The following ZNF701 variants were observed in gnomAD, a reference collection of about 807,000 sequenced individuals.
ZNF701 encodes zinc finger protein 701.
ZNF701 carries 6 observed loss-of-function variants against 7.1 expected under a neutral mutation model. The ratio of observed to expected loss-of-function variants is 0.84; its 90% confidence interval spans 0.46 to 1.66. The LOEUF (loss-of-function observed/expected upper bound fraction) is 1.66, where lower values mean the gene tolerates loss of function less well. ZNF701 is among the 40% of genes most tolerant of loss of function. The probability of loss-of-function intolerance (pLI) is 0.01; values close to 1 mark genes in which losing one functional copy is unlikely to be tolerated. For missense variants in ZNF701, 541 were observed against 559.2 expected, an observed-to-expected ratio of 0.97 and a Z score of 0.33; for synonymous variants, 166 against 188.2, an observed-to-expected ratio of 0.88 and a Z score of 0.97.
the ZNF701 span, chr19:52,596,706 A>T: frequency 4.1e-6 from 2 of 491,620 alleles, no homozygotes; most frequent in East Asian, 1.1e-4. Context: ...TACACATTTC[A>T]CGAGTATGGA....
intron 1 of ZNF701, among the ~76,000 whole-genome samples, chr19:52,573,654 C>CT (rs993344637): frequency 1.4e-4 from 21 of 152,080 alleles, no homozygotes; most frequent in African/African-American, 5.1e-4. Context: ...ACCAGAGACA[C>CT]ACAGACGTGC....
At chr19:52,577,874 A>G (rs1366678188) in intron 3 of ZNF701, among the ~76,000 whole-genome samples, 1 of 151,990 alleles carries the variant, frequency 6.6e-6, no homozygotes, top group Admixed American at 6.6e-5. Context: ...GTCTACTTTC[A>G]TGCTCCTCCC....
intron 3 of ZNF701, among the ~76,000 whole-genome samples, chr19:52,581,115 C>G (rs2059972608): frequency 3.3e-5 from 5 of 151,856 alleles, no homozygotes. Context: ...GAGTGAGACT[C>G]CATCTCAAAA....
At position 52,584,504 on chromosome 19, in the gene ZNF701, GGTATTGTGTT is replaced by G. The variant is rs1485542315; in HGVS notation, c.*1049_*1058del. On this transcript the variant is annotated 3_prime_UTR_variant, in exon 4 of 4. Coordinates refer to ENST00000391785, the MANE Select transcript of ZNF701 (RefSeq NM_018260.3). ...ACAAAAACCAATAGGGGTTTTTATA[GGTATTGTGTT>G]GAATCTGAATCACATTGGCTTATAT... The G allele has an allele frequency of 6.6e-6, 1 of 152,530 alleles. No individual in the cohort carries two copies. Among genetic ancestry groups the G allele is most frequent in the Non-Finnish European group, 1.5e-5 (1 of 68,348 alleles). The allele number at this position is 152,530 out of a possible 1,614,324, so 9.4% of individuals were successfully genotyped here. A position where few individuals can be genotyped will look rare whatever the true frequency, so the allele number is the denominator to read the frequency against.
chr19:52,584,713 G>A lies in ZNF701; in HGVS notation c.*1256G>A, dbSNP rs1267843062. 3 of 151,990 alleles carry A rather than the reference G, an allele frequency of 2.0e-5. No homozygotes were observed. The highest frequency in any genetic ancestry group is 7.3e-5 in the African/African-American group (3 of 41,370). 9.4% of individuals were successfully genotyped at this position (151,990 alleles called of 1,614,324 possible). A position where few individuals can be genotyped will look rare whatever the true frequency, so the allele number is the denominator to read the frequency against. On this transcript the variant is annotated 3_prime_UTR_variant, in exon 4 of 4. Transcript: ENST00000391785. ...CAAATGGAAGTGTTTTTTAATTTTC[G>A]TTTAAATTTTTTATTGTTTATGGAA...
chr19:52,588,571 C>T (rs765565277), downstream of ZNF701: 3 of 401,160 alleles, frequency 7.5e-6, no homozygotes, highest in Non-Finnish European at 1.4e-5. Context: ...AGGAAGCCAC[C>T]AAGAAGGGCA....
rs1471904969 is a variant in ZNF701 at position 52,576,023 on chromosome 19, T to G, written c.142+2T>G. On this transcript the variant is annotated splice_donor_variant, in intron 3 of 3. Coordinates refer to ENST00000391785, the MANE Select transcript of ZNF701 (RefSeq NM_018260.3). LOFTEE classifies it high-confidence loss of function. ...ATTATAGGAACCTGGTCTCCCTGGG[T>G]GAGGATAACTTCCCTCCAGAAGTGG... The G allele has an allele frequency of 1.4e-5, 22 of 1,584,328 alleles. No homozygotes were observed. The highest frequency in any genetic ancestry group is 1.9e-5 in the Non-Finnish European group (22 of 1,172,316).
At position 52,584,719 on chromosome 19, in the gene ZNF701, A is replaced by T. The variant is rs1228817576; in HGVS notation, c.*1262A>T. 1 of 152,166 alleles carries T rather than the reference A, an allele frequency of 6.6e-6. No individual in the cohort carries two copies. The highest frequency in any genetic ancestry group is 1.5e-5 in the Non-Finnish European group (1 of 68,026). 9.4% of individuals were successfully genotyped at this position (152,166 alleles called of 1,614,324 possible). On this transcript the variant is annotated 3_prime_UTR_variant, in exon 4 of 4. Transcript: ENST00000391785. ...GAAGTGTTTTTTAATTTTCGTTTAAATTTTTTATTGTTTATGGAAATTCAA... is the reference window on the plus strand; with the variant it reads ...GAAGTGTTTTTTAATTTTCGTTTAATTTTTTTATTGTTTATGGAAATTCAA...
intron 1 of ZNF701, chr19:52,572,809 CCCTCAT>C (rs2059909594): frequency 2.3e-6 from 1 of 427,754 alleles, no homozygotes; most frequent in Non-Finnish European, 4.7e-6. Context: ...TGGGAACTTG[CCCTCAT>C]CTCATGACTC....
chr19:52,576,235 A>C (rs1345147804), intron 3 of ZNF701, among the ~76,000 whole-genome samples: 1 of 152,110 alleles, frequency 6.6e-6, no homozygotes, highest in Non-Finnish European at 1.5e-5. Flanking sequence ...TCCAGAAGTA[A>C]AGTAAGCATA....
Position 52,582,440 on chromosome 19 carries a change from T to A in ZNF701, c.381T>A (p.Asp127Glu). The stretch of plus-strand genomic sequence containing the variant: ...TGATGAGTAGTACAGAGCGACATGA[T>A]CAAAGGCATGCTGGAAACAAACCTA... Reference protein sequence around the residue: ...KKLMSSTERHDQRHAGNKPIK... With the variant: ...KKLMSSTERHEQRHAGNKPIK... Residue 127 changes from aspartate to glutamate, a missense_variant, in exon 4 of 4, where the codon GAT (aspartate) becomes GAA (glutamate). By Grantham distance (45) the Asp-to-Glu change is conservative. Transcript: ENST00000391785. 6.2e-7 allele frequency: 1 copy of A among 1,614,164 alleles called. No homozygotes were observed. Among genetic ancestry groups the A allele is most frequent in the Non-Finnish European group, 8.5e-7 (1 of 1,180,008 alleles).
downstream of ZNF701, among the ~76,000 whole-genome samples, chr19:52,591,241 G>A (rs150708932): frequency 7.3e-3 from 1,116 of 152,142 alleles, 8 homozygotes; most frequent in Non-Finnish European, 0.01. Flanking sequence ...GCAGTGGTGC[G>A]ATCTCGGCTT....
the ZNF701 span, chr19:52,597,599 TGGGAGCCC>T: frequency 1.2e-4 from 42 of 361,304 alleles, no homozygotes; most frequent in East Asian, 2.2e-4. Flanking sequence ...CCCAGCACTT[TGGGAGCCC>T]AAGGCTGATA....
chr19:52,591,999 C>A (rs7259617), downstream of ZNF701: 3 of 559,242 alleles, frequency 5.4e-6, no homozygotes, highest in African/African-American at 5.8e-5. Context: ...GTCAGAACAC[C>A]GTCTTGGATC....
chr19:52,583,515 T>A lies in ZNF701; in HGVS notation c.*58T>A. 1.9e-6 allele frequency: 3 copies of A among 1,605,922 alleles called. No individual in the cohort carries two copies. Among genetic ancestry groups the A allele is most frequent in the Non-Finnish European group, 2.6e-6 (3 of 1,174,086 alleles). Reference sequence around the variant, plus strand: ...TCAAACCTTGCATGTCATCATAGACTTTATACTGGAGAGAAACCTTACAAA... The same window carrying A: ...TCAAACCTTGCATGTCATCATAGACATTATACTGGAGAGAAACCTTACAAA... On this transcript the variant is annotated 3_prime_UTR_variant, in exon 4 of 4. Coordinates refer to ENST00000391785, the MANE Select transcript of ZNF701 (RefSeq NM_018260.3).
the ZNF701 span, chr19:52,592,221 G>A: frequency 6.3e-7 from 1 of 1,578,106 alleles, no homozygotes; most frequent in Non-Finnish European, 8.7e-7. Flanking sequence ...GGAACCTGGA[G>A]TTTGTGGGTG....
In ZNF701 at chr19:52,584,258, C is replaced by G. The variant is rs436565; in HGVS notation, c.*801C>G. On this transcript the variant is annotated 3_prime_UTR_variant, in exon 4 of 4. Coordinates refer to ENST00000391785, the MANE Select transcript of ZNF701 (RefSeq NM_018260.3). ...TCAAGGATTGACAGTAGAGTCAATT[C>G]AGAATTGACTTGAGTTTGAGTTGAC... 0.091 allele frequency: 20,595 copies of G among 225,114 alleles called. 2,916 individuals carry two copies. The highest frequency in any genetic ancestry group is 0.36 in the African/African-American group (15,465 of 43,020). 13.9% of individuals were successfully genotyped at this position (225,114 alleles called of 1,614,324 possible).
intron 3 of ZNF701, among the ~76,000 whole-genome samples, chr19:52,576,800 C>T (rs1225713225): frequency 6.6e-6 from 1 of 152,054 alleles, no homozygotes; most frequent in Non-Finnish European, 1.5e-5. Flanking sequence ...CGTCTTAGTA[C>T]TTTCTTTTTA....
chr19:52,578,902 C>A (rs892209124), intron 3 of ZNF701, among the ~76,000 whole-genome samples: 1 of 151,886 alleles, frequency 6.6e-6, no homozygotes, highest in South Asian at 2.1e-4. Flanking sequence ...GGACTACAGG[C>A]TCCCGCCACC....
Sources: allele counts gnomAD v4.1 joint callset (sites outside exome capture counted in the v4.1 genomes callset), GRCh38; gene constraint gnomAD v4.1.1; transcripts MANE v1.5; gene names NCBI Gene and HGNC (gene_info 2026-07-23, HGNC 2026-07-21).